The following PCDHGA8 variants were observed in gnomAD, a reference collection of about 807,000 sequenced individuals.
PCDHGA8 encodes the protein protocadherin gamma subfamily A, 8, also known as protocadherin gamma-A8.
Under a neutral mutation model 59.2 loss-of-function variants are expected in PCDHGA8, and 45 were observed. The ratio of observed to expected loss-of-function variants is 0.76; its 90% CI spans 0.60 to 0.98. The LOEUF is 0.98. Ranked by LOEUF, PCDHGA8 falls within the 50% of genes least tolerant of loss-of-function variation. The pLI, the probability that PCDHGA8 is intolerant of heterozygous loss-of-function variation, is 0.00. For synonymous variants in PCDHGA8, 531 were observed against 519.0 expected, an observed-to-expected ratio of 1.02 and a Z score of -0.32; for missense variants, 1,257 against 1,196.2, an observed-to-expected ratio of 1.05 and a Z score of -0.75.
chr5:141,478,319 T>A, intron 1 of PCDHGA8: 4 of 1,614,052 alleles, frequency 2.5e-6, no homozygotes, highest in Non-Finnish European at 3.4e-6. Flanking sequence ...GAGCTCACTG[T>A]ACCGAACACC....
intron 1 of PCDHGA8, chr5:141,419,335 T>C: frequency 6.2e-7 from 1 of 1,613,886 alleles, no homozygotes; most frequent in Non-Finnish European, 8.5e-7. Context: ...ACTCTCTCAT[T>C]GCCAGCGACC....
intron 2 of PCDHGA8, among the ~76,000 whole-genome samples, chr5:141,504,563 C>G (rs1036149640): frequency 3.3e-5 from 5 of 149,436 alleles, no homozygotes; most frequent in African/African-American, 1.2e-4. Context: ...GACTGGCATT[C>G]TAGGGAACAC....
intron 1 of PCDHGA8, chr5:141,404,094 A>C: frequency 6.2e-7 from 1 of 1,613,620 alleles, no homozygotes; most frequent in South Asian, 1.1e-5. Context: ...AAGAATGGTC[A>C]AGTTGTCTGT....
intron 1 of PCDHGA8, chr5:141,399,490 G>A (rs750081604): frequency 1.1e-5 from 17 of 1,614,036 alleles, no homozygotes; most frequent in Non-Finnish European, 1.4e-5. Flanking sequence ...GTCCTACTTA[G>A]TCAGTGTACC....
chr5:141,403,256 T>G, intron 1 of PCDHGA8: 3 of 1,613,854 alleles, frequency 1.9e-6, no homozygotes, highest in Non-Finnish European at 2.5e-6. Flanking sequence ...GAGCCCGCGG[T>G]GTCTGGTGAA....
intron 1 of PCDHGA8, among the ~76,000 whole-genome samples, chr5:141,461,253 C>A (rs1358900194): frequency 6.6e-6 from 1 of 152,108 alleles, no homozygotes; most frequent in Non-Finnish European, 1.5e-5. Flanking sequence ...ATATTCCCAG[C>A]AGCAATGTGT....
chr5:141,426,418 T>C (rs1445827088), intron 1 of PCDHGA8: 2 of 288,504 alleles, frequency 6.9e-6, no homozygotes, highest in Non-Finnish European at 1.4e-5. Flanking sequence ...GGTCCAGGGC[T>C]CCGTGGTGGG....
intron 1 of PCDHGA8, among the ~76,000 whole-genome samples, chr5:141,467,809 C>T (rs1026263094): frequency 6.6e-6 from 1 of 152,056 alleles, no homozygotes. Flanking sequence ...CAGGCACATG[C>T]CACCACACCA....
intron 1 of PCDHGA8, chr5:141,408,313 T>G (rs375849626): frequency 6.2e-7 from 1 of 1,613,758 alleles, no homozygotes; most frequent in African/African-American, 1.3e-5. Flanking sequence ...GCTACTCGAT[T>G]CCGGAGGAGC....
intron 1 of PCDHGA8, among the ~76,000 whole-genome samples, chr5:141,467,951 A>G (rs2099155044): frequency 6.6e-6 from 1 of 151,944 alleles, no homozygotes; most frequent in East Asian, 1.9e-4. Context: ...GAGCCACCAC[A>G]CCCGGCTGCC....
Position 141,485,992 on chromosome 5 carries a change from C to T in PCDHGA8, c.2425-8815C>T. The T allele has an allele frequency of 6.2e-7, 1 of 1,614,156 alleles. No individual in the cohort carries two copies. The highest frequency in any genetic ancestry group is 2.2e-5 in the East Asian group (1 of 44,870). On this transcript the variant is annotated intron_variant, in intron 1 of 3. Coordinates refer to ENST00000398604, the MANE Select transcript of PCDHGA8 (RefSeq NM_032088.2). The surrounding 1 kb of genome is among the most constrained non-coding windows in gnomAD (Gnocchi z 5.7). ...ATGCCTCAGACCCGGACCTGGGTCC[C>T]AGTGGTAACGTCACCTTTTATTTCA...
At position 141,489,590 on chromosome 5, in the gene PCDHGA8, T is replaced by C; in HGVS notation, c.2425-5217T>C. The C allele has an allele frequency of 6.2e-7, 1 of 1,614,044 alleles. No homozygotes were observed. Among genetic ancestry groups the C allele is most frequent in the Non-Finnish European group, 8.5e-7 (1 of 1,179,984 alleles). ...GTGACTGAACACCCCCTGGAGCTAA[T>C]CCGTGTAGAGGTAGAGATCCTGGAT... On this transcript the variant is annotated intron_variant, in intron 1 of 3. Transcript: ENST00000398604. The surrounding 1 kb of genome is among the most constrained non-coding windows in gnomAD (Gnocchi z 4.5).
At chr5:141,494,780 G>A (rs1314622459) in intron 1 of PCDHGA8, 27 bp from the exon 2 acceptor site, 13 of 1,613,898 alleles carry the variant, frequency 8.1e-6, no homozygotes, top group African/African-American at 1.3e-5. Context: ...CGGGTACTCA[G>A]CCCCTTTCCC....
chr5:141,478,847 AAC>A (rs2099480409), intron 1 of PCDHGA8: 1 of 1,389,782 alleles, frequency 7.2e-7, no homozygotes, highest in South Asian at 1.5e-5. Context: ...GTTAAGCTAA[AAC>A]ACAAGATCTC....
chr5:141,423,154 C>A, intron 1 of PCDHGA8: 1 of 1,613,466 alleles, frequency 6.2e-7, no homozygotes, highest in South Asian at 1.1e-5. Flanking sequence ...CAAGCAGAGC[C>A]TCGTGGTGGC....
chr5:141,398,787 A>C, intron 1 of PCDHGA8: 1 of 1,613,902 alleles, frequency 6.2e-7, no homozygotes, highest in South Asian at 1.1e-5. Context: ...GTGGACATCC[A>C]CCCCTAAGCG....
At position 141,395,190 on chromosome 5, in the gene PCDHGA8, A is replaced by T. The variant is rs769197632; in HGVS notation, c.2377A>T (p.Thr793Ser). 1 of 1,614,028 alleles carries T rather than the reference A, an allele frequency of 6.2e-7. No homozygotes were observed. The highest frequency in any genetic ancestry group is 2.2e-5 in the East Asian group (1 of 44,886). ...EGCEKNDSLL[T>S]SVDFHEYKNE... ...CTGTGAGAAAAATGATTCTTTGTTA[A>T]CATCCGTAGATTTTCATGAATATAA... Residue 793 changes from threonine to serine, a missense_variant, in exon 1 of 4, where the codon ACA (threonine) becomes TCA (serine). Physicochemically the swap from Thr to Ser is moderately conservative, Grantham distance 58. Coordinates refer to ENST00000398604, the MANE Select transcript of PCDHGA8 (RefSeq NM_032088.2).
intron 1 of PCDHGA8, chr5:141,429,169 T>TACAC (rs10667977): frequency 0.077 from 11,199 of 145,388 alleles, 458 homozygotes; most frequent in African/African-American, 0.081. Flanking sequence ...ACATTGTTTA[T>TACAC]ACACACACAC....
intron 1 of PCDHGA8, among the ~76,000 whole-genome samples, chr5:141,407,687 G>A (rs866314437): frequency 1.3e-5 from 2 of 152,126 alleles, no homozygotes; most frequent in African/African-American, 2.4e-5. Context: ...TGGCTTTGTG[G>A]TGATCATTGT....
Sources: allele counts gnomAD v4.1 joint callset (sites outside exome capture counted in the v4.1 genomes callset), GRCh38; gene constraint gnomAD v4.1.1; non-coding constraint Gnocchi (gnomAD v3.1); transcripts MANE v1.5; gene names NCBI Gene and HGNC (gene_info 2026-07-23, HGNC 2026-07-21).